NCKAP5: variants seen among roughly 807,000 people sequenced by gnomAD.
NCKAP5 encodes NCK associated protein 5.
A neutral mutation model predicts 167.0 loss-of-function variants in NCKAP5; 92 were observed. The observed-to-expected ratio is 0.55, with a 90% CI of 0.47 to 0.66. NCKAP5 has a LOEUF of 0.66. Ranked by LOEUF, NCKAP5 falls within the 30% of genes least tolerant of loss-of-function variation. The probability of loss-of-function intolerance (pLI) is 0.00; values close to 1 mark genes in which losing one functional copy is unlikely to be tolerated. For synonymous variants in NCKAP5, 891 were observed against 877.4 expected (o/e 1.02, Z -0.27); for missense variants, 2,378 against 2,315.0 (o/e 1.03, Z -0.56).
chr2:133,363,147 A>T (rs1404826588), intron 3 of NCKAP5, among the ~76,000 whole-genome samples: 1 of 152,102 alleles, frequency 6.6e-6, no homozygotes, highest in African/African-American at 2.4e-5. Context: ...AAAATTGAGG[A>T]GGTACAAGGT....
chr2:133,503,088 A>G (rs1251289227), intron 3 of NCKAP5, among the ~76,000 whole-genome samples: 1 of 152,220 alleles, frequency 6.6e-6, no homozygotes, highest in Non-Finnish European at 1.5e-5. Context: ...AAGAGTGTGT[A>G]TGGTTTATCC....
At chr2:133,604,266 C>T in the NCKAP5 span, among the ~76,000 whole-genome samples, 2 of 152,060 alleles carry the variant, frequency 1.3e-5, no homozygotes, top group Non-Finnish European at 2.9e-5. Context: ...TGTACAGTGG[C>T]ACAATCTTGG....
intron 7 of NCKAP5, among the ~76,000 whole-genome samples, chr2:132,971,669 GT>G (rs1225277521): frequency 6.6e-6 from 1 of 152,208 alleles, no homozygotes; most frequent in Admixed American, 6.5e-5. Context: ...AGAACCCACA[GT>G]TTGTAAGGCG....
chr2:132,893,165 G>T (rs1692862912), intron 8 of NCKAP5, among the ~76,000 whole-genome samples: 1 of 152,152 alleles, frequency 6.6e-6, no homozygotes, highest in African/African-American at 2.4e-5. Flanking sequence ...GGCAAGCGTT[G>T]GTAAGAATGT....
At chr2:133,185,470 T>C (rs569435101) in intron 5 of NCKAP5, among the ~76,000 whole-genome samples, 12 of 152,018 alleles carry the variant, frequency 7.9e-5, no homozygotes, top group Admixed American at 1.3e-4. Context: ...ATATACATTT[T>C]AGAACAGTTT....
chr2:132,795,833 A>AAC (rs2105161173), intron 12 of NCKAP5, among the ~76,000 whole-genome samples: 1 of 149,836 alleles, frequency 6.7e-6, no homozygotes, highest in South Asian at 2.1e-4. Context: ...AAAAAAAAAA[A>AAC]AAAAACAAAA....
At chr2:133,182,383 C>T (rs1291722441) in intron 5 of NCKAP5, among the ~76,000 whole-genome samples, 3 of 152,050 alleles carry the variant, frequency 2.0e-5, no homozygotes, top group African/African-American at 7.2e-5. Context: ...ATATCCTGAG[C>T]CATAAAAAAC....
At chr2:132,970,051 G>C (rs536070065) in intron 7 of NCKAP5, among the ~76,000 whole-genome samples, 2 of 152,194 alleles carry the variant, frequency 1.3e-5, no homozygotes, top group African/African-American at 4.8e-5. Context: ...GACAGAGGTA[G>C]AGGAAAGACC....
rs569893605 is a variant in NCKAP5 at position 132,817,279 on chromosome 2, C to T, written c.808-20550G>A. Among the ~76,000 whole-genome samples, 9 of 152,234 alleles carry T rather than the reference C, an allele frequency of 5.9e-5. No individual in the cohort carries two copies. In the South Asian group the frequency reaches 6.2e-4, roughly 11 times the overall value. ...TCTCATTATTGACATTTATGTTGAT[C>T]GATGTTGGCTCTTACAGAATTGGAA... On this transcript the variant is annotated intron_variant, in intron 11 of 19. Coordinates refer to ENST00000409261, the MANE Select transcript of NCKAP5 (RefSeq NM_207363.3).
At chr2:133,525,807 T>C (rs889288620) in intron 2 of NCKAP5, among the ~76,000 whole-genome samples, 1 of 152,116 alleles carries the variant, frequency 6.6e-6, no homozygotes, top group African/African-American at 2.4e-5. Context: ...AGCTGTCCCA[T>C]GTCACCATCA....
intron 19 of NCKAP5, among the ~76,000 whole-genome samples, chr2:132,719,929 G>C (rs1157412205): frequency 6.6e-6 from 1 of 152,238 alleles, no homozygotes; most frequent in Non-Finnish European, 1.5e-5. Context: ...CTCTTGGGGT[G>C]TCTGGCAGGG....
At chr2:132,823,676 A>G (rs1389619894) in intron 11 of NCKAP5, among the ~76,000 whole-genome samples, 1 of 152,216 alleles carries the variant, frequency 6.6e-6, no homozygotes, top group Non-Finnish European at 1.5e-5. Context: ...GGCGACAACT[A>G]ACATGATGAA....
chr2:133,413,330 A>T (rs959973531), intron 3 of NCKAP5, among the ~76,000 whole-genome samples: 2 of 152,224 alleles, frequency 1.3e-5, no homozygotes, highest in Non-Finnish European at 1.5e-5. Context: ...TGGTCCCCTA[A>T]ATCTAGCCAG....
At chr2:132,735,908 GACA>G (rs1367441987) in intron 16 of NCKAP5, among the ~76,000 whole-genome samples, 14 of 152,176 alleles carry the variant, frequency 9.2e-5, no homozygotes, top group Non-Finnish European at 1.8e-4. Flanking sequence ...CCTTTCTGAA[GACA>G]ACAACATTTT....
At chr2:133,400,261 T>C (rs1688011981) in intron 3 of NCKAP5, among the ~76,000 whole-genome samples, 1 of 152,058 alleles carries the variant, frequency 6.6e-6, no homozygotes, top group South Asian at 2.1e-4. Flanking sequence ...GGATCAGTGA[T>C]TATCATGAGC....
chr2:132,710,101 G>T (rs567956581), intron 19 of NCKAP5, among the ~76,000 whole-genome samples: 1 of 151,886 alleles, frequency 6.6e-6, no homozygotes, highest in African/African-American at 2.4e-5. Context: ...TTCATTTAAG[G>T]CATTAAAGGC....
At chr2:133,115,844 G>A (rs1308211877) in intron 6 of NCKAP5, among the ~76,000 whole-genome samples, 58 of 81,846 alleles carry the variant, frequency 7.1e-4, no homozygotes, top group East Asian at 3.3e-3. Flanking sequence ...ACACACACAC[G>A]CCCTTCTCAA....
intron 5 of NCKAP5, among the ~76,000 whole-genome samples, chr2:133,186,218 T>C (rs181778267): frequency 1.3e-5 from 2 of 152,248 alleles, no homozygotes; most frequent in African/African-American, 2.4e-5. Context: ...AAGATAATCA[T>C]ATAGTTTTTG....
At chr2:133,213,417 C>G (rs949866393) in intron 5 of NCKAP5, among the ~76,000 whole-genome samples, 3 of 152,114 alleles carry the variant, frequency 2.0e-5, no homozygotes, top group Non-Finnish European at 4.4e-5. Context: ...TGAACTGTTG[C>G]TCATTTGTGG....
Sources: allele counts gnomAD v4.1 joint callset (sites outside exome capture counted in the v4.1 genomes callset), GRCh38; gene constraint gnomAD v4.1.1; transcripts MANE v1.5; gene names NCBI Gene and HGNC (gene_info 2026-07-23, HGNC 2026-07-21).